Variants in CNTN3 observed in about 807,000 individuals in gnomAD.
CNTN3 encodes the protein contactin-3.
CNTN3 carries 60 observed loss-of-function variants against 119.1 expected under a neutral mutation model. That is an observed-to-expected ratio of 0.50 (90% CI 0.41 to 0.62). The LOEUF is 0.62. CNTN3 is among the 20% of genes least tolerant of loss of function. The probability of loss-of-function intolerance (pLI) is 0.00; values close to 1 mark genes in which losing one functional copy is unlikely to be tolerated. For missense variants in CNTN3, 1,101 were observed against 1,242.4 expected, an observed-to-expected ratio of 0.89 and a Z score of 1.71; for synonymous variants, 450 against 438.7, an observed-to-expected ratio of 1.03 and a Z score of -0.32.
chr3:74,288,787 C>T (rs1353519512), intron 19 of CNTN3, among the ~76,000 whole-genome samples: 1 of 152,154 alleles, frequency 6.6e-6, no homozygotes, highest in Non-Finnish European at 1.5e-5. Context: ...CACCCAGGAT[C>T]CATGAACTTA....
intron 1 of CNTN3, among the ~76,000 whole-genome samples, chr3:74,575,840 C>T (rs557694362): frequency 1.3e-5 from 2 of 151,984 alleles, no homozygotes; most frequent in Non-Finnish European, 2.9e-5. Context: ...TCCAAGCCCA[C>T]GTGGTTCCTT....
intron 17 of CNTN3, 100 bp downstream of exon 17, chr3:74,299,768 T>C (rs1310781855): frequency 1.4e-5 from 13 of 898,692 alleles, no homozygotes; most frequent in Non-Finnish European, 1.5e-5. Flanking sequence ...CCCCCAGCAC[T>C]ACCACCACCA....
intron 1 of CNTN3, among the ~76,000 whole-genome samples, chr3:74,570,517 A>AG (rs1166755472): frequency 7.2e-6 from 1 of 139,790 alleles, no homozygotes; most frequent in African/African-American, 2.7e-5. Context: ...TCACAAAAGA[A>AG]GAAAAAAAAA....
chr3:74,314,092 G>C (rs1169087558), intron 13 of CNTN3, among the ~76,000 whole-genome samples: 1 of 152,152 alleles, frequency 6.6e-6, no homozygotes, highest in East Asian at 1.9e-4. Context: ...CACCTTCTAA[G>C]ACCACTACTG....
chr3:74,401,519 C>G (rs910550689), intron 5 of CNTN3, among the ~76,000 whole-genome samples: 8 of 148,436 alleles, frequency 5.4e-5, no homozygotes, highest in African/African-American at 1.8e-4. Context: ...CGCGCACGCA[C>G]ACACACACAC....
chr3:74,352,445 T>C (rs1703838104), intron 11 of CNTN3, among the ~76,000 whole-genome samples: 1 of 152,206 alleles, frequency 6.6e-6, no homozygotes, highest in African/African-American at 2.4e-5. Flanking sequence ...ATGTGTTGTC[T>C]TGGAGGTAAT....
intron 2 of CNTN3, among the ~76,000 whole-genome samples, chr3:74,507,454 G>T (rs1483271470): frequency 2.7e-5 from 4 of 150,860 alleles, no homozygotes; most frequent in Non-Finnish European, 5.9e-5. Flanking sequence ...ACGACTTAGT[G>T]ATTGTATTTT....
At chr3:74,351,261 A>G (rs929751182) in intron 11 of CNTN3, among the ~76,000 whole-genome samples, 15 of 152,202 alleles carry the variant, frequency 9.9e-5, no homozygotes, top group African/African-American at 3.6e-4. Context: ...AATGTGAGAG[A>G]AACGGGGCAG....
At chr3:74,605,760 C>T (rs1316704311) in intron 1 of CNTN3, among the ~76,000 whole-genome samples, 1 of 152,074 alleles carries the variant, frequency 6.6e-6, no homozygotes, top group Non-Finnish European at 1.5e-5. Context: ...ATAGAAGCTC[C>T]CAGGCTTAGG....
chr3:74,297,490 G>A (rs953044868), intron 18 of CNTN3, among the ~76,000 whole-genome samples: 5 of 152,124 alleles, frequency 3.3e-5, no homozygotes, highest in Admixed American at 2.0e-4. Context: ...GAAAGAGGAA[G>A]GGTATGGTAA....
intron 13 of CNTN3, among the ~76,000 whole-genome samples, chr3:74,313,274 C>G (rs1207298590): frequency 2.0e-5 from 3 of 151,990 alleles, no homozygotes; most frequent in Non-Finnish European, 4.4e-5. Context: ...GCAATGGTGA[C>G]TAAGAGTTTC....
chr3:74,294,532 C>A (rs377115621), intron 19 of CNTN3, among the ~76,000 whole-genome samples: 22 of 152,168 alleles, frequency 1.4e-4, no homozygotes, highest in Non-Finnish European at 2.4e-4. Context: ...GCCTTACTAC[C>A]CTTATGAAGA....
chr3:74,395,274 T>A (rs1705017710), intron 5 of CNTN3, among the ~76,000 whole-genome samples: 1 of 152,112 alleles, frequency 6.6e-6, no homozygotes, highest in South Asian at 2.1e-4. Flanking sequence ...GCTAAGGGCA[T>A]CATACATGCT....
At chr3:74,578,821 C>T (rs894271843) in intron 1 of CNTN3, among the ~76,000 whole-genome samples, 10 of 151,992 alleles carry the variant, frequency 6.6e-5, no homozygotes, top group East Asian at 5.8e-4. Flanking sequence ...TATGAACTCA[C>T]GTTCCCTGAA....
chr3:74,331,484 A>C (rs1299538947), intron 13 of CNTN3, among the ~76,000 whole-genome samples: 2 of 152,176 alleles, frequency 1.3e-5, no homozygotes, highest in African/African-American at 4.8e-5. Context: ...GTTAAGCAAC[A>C]TGTGACTGTA....
intron 22 of CNTN3, 38 bp from the exon 23 acceptor site, chr3:74,264,539 T>G (rs1317925576): frequency 2.2e-6 from 3 of 1,337,478 alleles, no homozygotes; most frequent in Non-Finnish European, 2.1e-6. Flanking sequence ...ATAAGGATTG[T>G]ACCAATATGT....
At chr3:74,473,194 CAG>C (rs2107007380) in intron 4 of CNTN3, among the ~76,000 whole-genome samples, 1 of 147,510 alleles carries the variant, frequency 6.8e-6, no homozygotes, top group Non-Finnish European at 1.5e-5. Context: ...AAAAAAAAAA[CAG>C]GGAAAGAAAA....
intron 17 of CNTN3, 39 bp from the exon 18 acceptor site, chr3:74,298,230 AGGGC>A (rs1163433726): frequency 7.6e-7 from 1 of 1,319,310 alleles, no homozygotes; most frequent in Non-Finnish European, 1.0e-6. Flanking sequence ...CTTACACATA[AGGGC>A]AAGGCAAAAA....
At chr3:74,515,622 T>C (rs1395666550) in intron 2 of CNTN3, among the ~76,000 whole-genome samples, 2 of 151,992 alleles carry the variant, frequency 1.3e-5, no homozygotes, top group African/African-American at 4.8e-5. Flanking sequence ...AAAAACAAGG[T>C]AGGTCAACAT....
Sources: allele counts gnomAD v4.1 joint callset (sites outside exome capture counted in the v4.1 genomes callset), GRCh38; gene constraint gnomAD v4.1.1; transcripts MANE v1.5; gene names NCBI Gene and HGNC (gene_info 2026-07-23, HGNC 2026-07-21).